ACP6: variants seen among roughly 807,000 people sequenced by gnomAD.
ACP6 encodes the protein lysophosphatidic acid phosphatase type 6.
In ACP6, 48 loss-of-function variants were observed where a neutral mutation model predicts 48.1. The ratio of observed to expected loss-of-function variants is 1.00; its 90% confidence interval spans 0.79 to 1.27. The LOEUF (loss-of-function observed/expected upper bound fraction) is 1.27, where lower values mean the gene tolerates loss of function less well. Ranked by LOEUF, ACP6 falls within the 50% of genes most tolerant of loss-of-function variation. The probability of loss-of-function intolerance (pLI) is 0.00; values close to 1 mark genes in which losing one functional copy is unlikely to be tolerated. For synonymous variants in ACP6, 172 were observed against 204.2 expected (o/e 0.84, Z 1.34); for missense variants, 485 against 529.1 (o/e 0.92, Z 0.82).
chr1:147,641,994 A>G (rs1196125191), downstream of ACP6, among the ~76,000 whole-genome samples: 3 of 152,242 alleles, frequency 2.0e-5, no homozygotes, highest in Non-Finnish European at 4.4e-5. Context: ...GAAGGCACTT[A>G]TACGTTTCCT....
chr1:147,659,273 G>A, intron 3 of ACP6, 123 bp downstream of exon 3: 2 of 1,366,746 alleles, frequency 1.5e-6, no homozygotes, highest in Admixed American at 2.2e-5. Flanking sequence ...AGGGTATGCA[G>A]CATGACAAGT....
chr1:147,661,164 G>A (rs6593796), intron 1 of ACP6, among the ~76,000 whole-genome samples: 28,490 of 152,058 alleles, frequency 0.19, 2,949 homozygotes, highest in East Asian at 0.28. Context: ...AATGGGGTCT[G>A]GCTCTGTTGC....
At chr1:147,652,189 A>G in intron 7 of ACP6, 1 of 403,930 alleles carries the variant, frequency 2.5e-6, no homozygotes, top group Non-Finnish European at 4.4e-6. Context: ...TTAAAGCAAA[A>G]GGAAAAGGCA....
Position 147,645,232 on chromosome 1 carries a change from A to T in ACP6, c.*2191T>A, listed in dbSNP as rs1039700572. The T allele has an allele frequency of 1.3e-5, 2 of 151,166 alleles. No individual in the cohort carries two copies. The highest frequency in any genetic ancestry group is 4.1e-4 in the South Asian group (2 of 4,832). 9.4% of individuals were successfully genotyped at this position (151,166 alleles called of 1,614,324 possible). The stretch of plus-strand genomic sequence containing the variant: ...ATAAAATTATAATAATTTTATAAAA[A>T]TATAATAATTTTTGTATTTTTAGTA... On this transcript the variant is annotated 3_prime_UTR_variant, in exon 10 of 10. Coordinates refer to ENST00000583509, the MANE Select transcript of ACP6 (RefSeq NM_016361.5).
At chr1:147,636,254 A>C (rs1659297440) in intron 5 of ACP6, among the ~76,000 whole-genome samples, 1 of 151,856 alleles carries the variant, frequency 6.6e-6, no homozygotes, top group South Asian at 2.1e-4. Flanking sequence ...TAGATAGAAG[A>C]AAAATATAAA....
intron 5 of ACP6, among the ~76,000 whole-genome samples, chr1:147,633,909 C>T (rs959227280): frequency 5.3e-5 from 8 of 152,170 alleles, no homozygotes; most frequent in Non-Finnish European, 8.8e-5. Context: ...TTTAAGTATA[C>T]ATTAATGTGT....
At chr1:147,669,243 G>A (rs1553214130) in intron 1 of ACP6, among the ~76,000 whole-genome samples, 1 of 144,622 alleles carries the variant, frequency 6.9e-6, no homozygotes, top group Admixed American at 7.1e-5. Flanking sequence ...AAATAGAAAA[G>A]GAGAACCCTA....
chr1:147,635,568 A>C (rs1659275519), intron 5 of ACP6, among the ~76,000 whole-genome samples: 3 of 152,202 alleles, frequency 2.0e-5, no homozygotes, highest in Middle Eastern at 3.2e-3. Context: ...ATGAGTAAAA[A>C]TTAGGGAAGT....
chr1:147,652,919 T>C (rs9660040), intron 6 of ACP6, among the ~76,000 whole-genome samples: 112,536 of 147,232 alleles, frequency 0.76, 40,245 homozygotes, highest in African/African-American at 0.79. Flanking sequence ...CTCCACCTCC[T>C]GGGTTCACGC....
chr1:147,652,732 T>A, intron 6 of ACP6, 183 bp from the exon 7 acceptor site: 1 of 1,219,034 alleles, frequency 8.2e-7, no homozygotes, highest in Non-Finnish European at 1.1e-6. Context: ...CCAAAGCTAT[T>A]ACTAGATACC....
At chr1:147,640,999 A>T (rs1340784597), downstream of ACP6, among the ~76,000 whole-genome samples, 1 of 152,110 alleles carries the variant, frequency 6.6e-6, no homozygotes, top group Non-Finnish European at 1.5e-5. Flanking sequence ...GAAGAGACTC[A>T]TCGCTGCCTA....
rs1341277455 is a variant in ACP6 at position 147,670,102 on chromosome 1, T to C, written c.-54A>G. 4 of 1,422,616 alleles carry C rather than the reference T, an allele frequency of 2.8e-6. No individual in the cohort carries two copies. In the African/African-American group the frequency reaches 4.3e-5, roughly 15 times the overall value. The allele number at this position is 1,422,616 out of a possible 1,614,324, so 88.1% of individuals were successfully genotyped here. On this transcript the variant is annotated 5_prime_UTR_variant, in exon 1 of 10. Transcript: ENST00000583509. ...TGAGGCTGCAGGAGGCAAACACAAG[T>C]CTTCTGCGGGCGCCGGGGCTCAGCG...
At chr1:147,666,521 A>G (rs1553213656) in intron 1 of ACP6, among the ~76,000 whole-genome samples, 2 of 152,208 alleles carry the variant, frequency 1.3e-5, no homozygotes, top group East Asian at 3.8e-4. Context: ...TTGTCTGTAT[A>G]CTGGTATTAC....
chr1:147,635,812 G>A (rs148774821), intron 5 of ACP6, among the ~76,000 whole-genome samples: 115 of 152,346 alleles, frequency 7.5e-4, no homozygotes, highest in African/African-American at 2.3e-3. Flanking sequence ...GGCACAGTCC[G>A]CAGGCAGGAA....
At chr1:147,649,741 C>T (rs1659817457) in intron 8 of ACP6, 1 of 194,322 alleles carries the variant, frequency 5.1e-6, no homozygotes, top group African/African-American at 2.4e-5. Context: ...TGCACCTGGC[C>T]ACTTCCAATA....
In ACP6 at chr1:147,652,501, T is replaced by C; in HGVS notation, c.829A>G (p.Ile277Val). 1 of 1,614,140 alleles carries C rather than the reference T, an allele frequency of 6.2e-7. No individual in the cohort carries two copies. The highest frequency in any genetic ancestry group is 1.3e-5 in the African/African-American group (1 of 75,036). ...CPMLKRFARM[I>V]EQRAVDTSLY... ...GATGTGTCCACAGCTCTCTGTTCGA[T>C]CATCCTTGCAAATCTCTTCAGCATG... The change falls in exon 7 of 10, where the codon ATC becomes GTC. Residue 277 changes from isoleucine to valine, a missense_variant. By Grantham distance (29) the Ile-to-Val change is conservative. Transcript: ENST00000583509.
chr1:147,649,451 A>ATT (rs781845181), intron 8 of ACP6, among the ~76,000 whole-genome samples: 1,874 of 147,950 alleles, frequency 0.013, 36 homozygotes, highest in African/African-American at 0.04. Context: ...TACTTCCAAC[A>ATT]TTTTTTTTTT....
intron 5 of ACP6, among the ~76,000 whole-genome samples, chr1:147,634,257 A>G (rs1480964524): frequency 6.6e-6 from 1 of 152,108 alleles, no homozygotes; most frequent in Non-Finnish European, 1.5e-5. Flanking sequence ...TCCATGGAGA[A>G]ATGTGTATTC....
At position 147,657,484 on chromosome 1, in the gene ACP6, G is replaced by A. The variant is rs183551540; in HGVS notation, c.559+1476C>T. Among the ~76,000 whole-genome samples, 1,354 of 152,138 alleles carry A rather than the reference G, an allele frequency of 8.9e-3. 14 individuals carry two copies. Among genetic ancestry groups the A allele is most frequent in the Non-Finnish European group, 0.015 (1,013 of 68,002 alleles). ...CACCCAGGCTGGAGTGCAGTGGTGC[G>A]ATCTCGGCTCACTGCAACCTCCGCC... On this transcript the variant is annotated intron_variant, in intron 4 of 9. Transcript: ENST00000583509.
Sources: allele counts gnomAD v4.1 joint callset (sites outside exome capture counted in the v4.1 genomes callset), GRCh38; gene constraint gnomAD v4.1.1; transcripts MANE v1.5; gene names NCBI Gene and HGNC (gene_info 2026-07-23, HGNC 2026-07-21).